PLA2G6: variants seen among roughly 807,000 people sequenced by gnomAD.
PLA2G6 encodes the protein 85/88 kDa calcium-independent phospholipase A2.
A neutral mutation model predicts 83.8 loss-of-function variants in PLA2G6; 62 were observed. That is an observed-to-expected ratio of 0.74 (90% CI 0.60 to 0.91). The LOEUF is 0.91. Among genes scored for constraint, PLA2G6 ranks in the 40% least tolerant of loss-of-function variants. The probability of loss-of-function intolerance (pLI) is 0.00; values close to 1 mark genes in which losing one functional copy is unlikely to be tolerated. For synonymous variants in PLA2G6, 417 were observed against 449.8 expected (o/e 0.93, Z 0.92); for missense variants, 944 against 1,102.0 (o/e 0.86, Z 2.03).
intron 12 of PLA2G6, among the ~76,000 whole-genome samples, chr22:38,117,507 C>T (rs2087279882): frequency 6.6e-6 from 1 of 151,982 alleles, no homozygotes; most frequent in African/African-American, 2.4e-5. Flanking sequence ...AAATCTTAAA[C>T]AAAATATGAT....
Position 38,132,019 on chromosome 22 carries a change from G to A in PLA2G6, c.1077+812C>T. 1 of 411,444 alleles carries A rather than the reference G, an allele frequency of 2.4e-6. No individual in the cohort carries two copies. The highest frequency in any genetic ancestry group is 4.9e-6 in the Non-Finnish European group (1 of 205,832). The allele number at this position is 411,444 out of a possible 1,614,324, so 25.5% of individuals were successfully genotyped here. ...AGTCCCAGCTACTTGGGAGGCTGAG[G>A]CAGGAGAATCGCTTGAACCTGGGAG... On this transcript the variant is annotated intron_variant, in intron 7 of 16. Coordinates refer to ENST00000332509, the MANE Select transcript of PLA2G6 (RefSeq NM_003560.4). This position sits in a 1 kb window ranked among gnomAD's most constrained non-coding sequence, Gnocchi z 5.0.
intron 14 of PLA2G6, chr22:38,113,984 G>A (rs1183602396): frequency 9.6e-6 from 4 of 415,054 alleles, no homozygotes; most frequent in Admixed American, 3.4e-5. Context: ...AAAGGCAGAC[G>A]GTGTTCCTTG....
intron 1 of PLA2G6, among the ~76,000 whole-genome samples, chr22:38,176,246 A>G (rs1175711533): frequency 1.3e-5 from 2 of 152,146 alleles, no homozygotes; most frequent in Admixed American, 1.3e-4. Context: ...TAGTCCAAGC[A>G]GGAAAGACTC....
chr22:38,143,031 GCCTAGGGGC>G (rs2089012422), intron 4 of PLA2G6, 65 bp downstream of exon 4: 19 of 1,399,900 alleles, frequency 1.4e-5, no homozygotes, highest in Non-Finnish European at 1.9e-5. Context: ...TGACACCTGA[GCCTAGGGGC>G]CCAAAGGGAA....
intron 9 of PLA2G6, chr22:38,127,413 G>A: frequency 7.5e-7 from 1 of 1,324,866 alleles, no homozygotes; most frequent in Non-Finnish European, 1.0e-6. Context: ...TTACCCATCT[G>A]ACGCCGCACC....
intron 4 of PLA2G6, chr22:38,140,764 C>A: frequency 6.6e-6 from 1 of 151,706 alleles, no homozygotes; most frequent in Non-Finnish European, 1.5e-5. Flanking sequence ...AAAAAGAGAG[C>A]CAGGGGCCAG....
chr22:38,130,480 G>C (rs2088143014), intron 7 of PLA2G6: 1 of 151,866 alleles, frequency 6.6e-6, no homozygotes, highest in Non-Finnish European at 1.5e-5. Flanking sequence ...ACTACGCCCA[G>C]CTAATTTTTT....
chr22:38,112,165 G>T lies in PLA2G6; in HGVS notation c.2417C>A (p.Pro806His). 2 of 1,581,660 alleles carry T rather than the reference G, an allele frequency of 1.3e-6. No individual in the cohort carries two copies. Among genetic ancestry groups the T allele is most frequent in the Non-Finnish European group, 1.7e-6 (2 of 1,164,316 alleles). The change falls in exon 17 of 17, where the codon CCC (proline) becomes CAC (histidine). Residue 806 changes from proline to histidine, a missense_variant. Coordinates refer to ENST00000332509, the MANE Select transcript of PLA2G6 (RefSeq NM_003560.4). ...CCGGTGAGAGGCTGGGGACCCTCAG[G>T]GTGAGAGCAGCAGCTGGATGAGCTT... is the stretch of plus-strand genomic sequence containing the variant. ...FQKLIQLLLS[P>H]
chr22:38,174,551 C>A (rs1197335620), intron 1 of PLA2G6, among the ~76,000 whole-genome samples: 1 of 152,236 alleles, frequency 6.6e-6, no homozygotes, highest in Non-Finnish European at 1.5e-5. Flanking sequence ...AGACCAGTCC[C>A]TGTCTCGCCA....
At chr22:38,138,674 G>C (rs1430434940) in intron 5 of PLA2G6, 2 of 152,012 alleles carry the variant, frequency 1.3e-5, no homozygotes, top group Non-Finnish European at 2.9e-5. Context: ...CTGTTAGATA[G>C]TATTTTTTTT....
rs2088331058 is a variant in PLA2G6, at chr22:38,133,164, G to A, written c.895-151C>T. ...AAGAGGATTCCAGGGGCAGGCCCCA[G>A]TTCTAGGGGGGCCTAGACTGCCTCC... On this transcript the variant is annotated intron_variant, in intron 6 of 16. Coordinates refer to ENST00000332509, the MANE Select transcript of PLA2G6 (RefSeq NM_003560.4). 17 of 734,328 alleles carry A rather than the reference G, an allele frequency of 2.3e-5. 1 individual carries two copies. In the South Asian group the frequency reaches 2.7e-4, roughly 12 times the overall value. The allele number at this position is 734,328 out of a possible 1,614,324, so 45.5% of individuals were successfully genotyped here. A position where few individuals can be genotyped will look rare whatever the true frequency, so the allele number is the denominator to read the frequency against.
intron 9 of PLA2G6, 194 bp from the exon 10 acceptor site, chr22:38,126,643 G>A (rs1602110853): frequency 1.6e-6 from 1 of 618,886 alleles, no homozygotes; most frequent in Non-Finnish European, 3.0e-6. Context: ...GGCCACAGGA[G>A]AGAAATGGGC....
chr22:38,113,778 T>G, intron 14 of PLA2G6, 124 bp from the exon 15 acceptor site: 1 of 875,160 alleles, frequency 1.1e-6, no homozygotes, highest in East Asian at 2.4e-5. Context: ...AAGAGGTCTC[T>G]GGTGGCAAGA....
Position 38,129,046 on chromosome 22 carries a change from A to C in PLA2G6, c.1186+408T>G, listed in dbSNP as rs376929933. On this transcript the variant is annotated intron_variant, in intron 8 of 16. Transcript: ENST00000332509. The stretch of plus-strand genomic sequence containing the variant: ...GCGAGCGTGCAGCACATGGCCATGC[A>C]CTCTGCCCACACAGGCATGCCCAGA... 3.2e-4 allele frequency among the ~76,000 whole-genome samples: 48 copies of C among 152,292 alleles called. No individual in the cohort carries two copies. The South Asian group carries it at 9.7e-3, about 31-fold the overall frequency.
Position 38,132,750 on chromosome 22 carries a change from G to C in PLA2G6, c.1077+81C>G. On this transcript the variant is annotated intron_variant, in intron 7 of 16. Coordinates refer to ENST00000332509, the MANE Select transcript of PLA2G6 (RefSeq NM_003560.4). This position sits in a 1 kb window ranked among gnomAD's most constrained non-coding sequence, Gnocchi z 5.0. ...AGCTGACGATAGGAGGGAGACAGTGGGGAGGAGGGCTCCAGTCCGGACAGC... is the reference window on the plus strand; with the variant it reads ...AGCTGACGATAGGAGGGAGACAGTGCGGAGGAGGGCTCCAGTCCGGACAGC... The C allele has an allele frequency of 8.1e-7, 1 of 1,230,228 alleles. No individual in the cohort carries two copies. The highest frequency in any genetic ancestry group is 1.1e-6 in the Non-Finnish European group (1 of 874,924). 76.2% of individuals were successfully genotyped at this position (1,230,228 alleles called of 1,614,324 possible).
At chr22:38,125,631 A>G (rs888707805) in intron 10 of PLA2G6, 8 of 468,742 alleles carry the variant, frequency 1.7e-5, no homozygotes, top group Admixed American at 1.4e-4. Context: ...TGCCACCCTG[A>G]CACTCACTCC....
In PLA2G6 at chr22:38,123,855, G is replaced by A. The variant is rs796318531; in HGVS notation, c.1428-597C>T. Among the ~76,000 whole-genome samples the A allele has an allele frequency of 6.6e-5, 10 of 152,246 alleles. No homozygotes were observed. The highest frequency in any genetic ancestry group is 2.4e-4 in the African/African-American group (10 of 41,548). On this transcript the variant is annotated intron_variant, in intron 10 of 16. Transcript: ENST00000332509. This position sits in a 1 kb window ranked among gnomAD's most constrained non-coding sequence, Gnocchi z 4.1. ...ACATCCCTGTGCTTATTTATTTAGA[G>A]ACGGAGTTTCACTCTTGTTGCCCAG... is the stretch of plus-strand genomic sequence containing the variant.
At chr22:38,124,903 G>A (rs770273156) in intron 10 of PLA2G6, among the ~76,000 whole-genome samples, 1 of 152,192 alleles carries the variant, frequency 6.6e-6, no homozygotes, top group Non-Finnish European at 1.5e-5. Context: ...CGGGGCTGGC[G>A]ACAGAGATCA....
At chr22:38,155,102 C>A (rs1251206177) in intron 2 of PLA2G6, among the ~76,000 whole-genome samples, 1 of 152,084 alleles carries the variant, frequency 6.6e-6, no homozygotes, top group African/African-American at 2.4e-5. Context: ...TGGCGGGCGC[C>A]TGTAATCCCA....
Sources: gnomAD v4.1 joint callset for allele counts (sites outside exome capture counted in the v4.1 genomes callset) on GRCh38, gnomAD v4.1.1 for gene constraint, Gnocchi (gnomAD v3.1) non-coding constraint, MANE v1.5 for transcripts, NCBI Gene and HGNC (gene_info 2026-07-23, HGNC 2026-07-21) for gene names.